Variants in PAK6 observed in about 807,000 individuals in gnomAD.
PAK6 encodes the protein p21 (RAC1) activated kinase 6.
A neutral mutation model predicts 60.8 loss-of-function variants in PAK6; 33 were observed. The ratio of observed to expected loss-of-function variants is 0.54; its 90% CI spans 0.41 to 0.73. The LOEUF (loss-of-function observed/expected upper bound fraction) is 0.73. Among genes scored for constraint, PAK6 ranks in the 30% least tolerant of loss-of-function variants. The pLI is 0.00. For missense variants in PAK6, 845 were observed against 904.1 expected (o/e 0.93, Z 0.84); for synonymous variants, 404 against 378.5 (o/e 1.07, Z -0.78).
At chr15:40,249,079 G>T (rs1315822243) in intron 2 of PAK6, among the ~76,000 whole-genome samples, 1 of 152,184 alleles carries the variant, frequency 6.6e-6, no homozygotes, top group Admixed American at 6.5e-5. Context: ...CCGGTGTCTG[G>T]TGAGGGCCTG....
chr15:40,245,042 C>A (rs1375197059), intron 2 of PAK6: 1 of 152,280 alleles, frequency 6.6e-6, no homozygotes, highest in African/African-American at 2.4e-5. Flanking sequence ...CCTCGGTCAG[C>A]CAATCCCAGT....
intron 2 of PAK6, chr15:40,251,380 C>T (rs569319331): frequency 2.6e-5 from 4 of 152,246 alleles, no homozygotes; most frequent in African/African-American, 9.6e-5. Context: ...CTGTCAGGTT[C>T]CCACGGGTTG....
At chr15:40,268,987 C>T (rs1950166817) in intron 5 of PAK6, among the ~76,000 whole-genome samples, 1 of 152,204 alleles carries the variant, frequency 6.6e-6, no homozygotes, top group Admixed American at 6.5e-5. Context: ...ACGTTGAAGG[C>T]ACTTGTCAAA....
intron 9 of PAK6, 138 bp downstream of exon 9, chr15:40,273,814 T>G (rs983795616): frequency 5.9e-5 from 61 of 1,034,892 alleles, no homozygotes; most frequent in Non-Finnish European, 7.3e-5. Flanking sequence ...CCTTCCCCCT[T>G]TCGATGGGGC....
chr15:40,270,596 ACACAGTGGATGGTGACAGTGTCACAGTGT>A (rs1241440975), intron 5 of PAK6, among the ~76,000 whole-genome samples: 1 of 152,188 alleles, frequency 6.6e-6, no homozygotes, highest in Admixed American at 6.5e-5. Context: ...CTGCTCCACT[ACACAGTGGATGGTGACAGTGTCACAGTGT>A]CACAGTGGAT....
chr15:40,244,373 G>C (rs563247381), intron 2 of PAK6, among the ~76,000 whole-genome samples: 11 of 146,570 alleles, frequency 7.5e-5, no homozygotes, highest in African/African-American at 2.8e-4. Flanking sequence ...TTCCATCTCA[G>C]AGACTTTTGT....
chr15:40,252,511 C>G (rs1412710955), intron 2 of PAK6: 1 of 1,363,410 alleles, frequency 7.3e-7, no homozygotes, highest in East Asian at 4.6e-5. Flanking sequence ...GCTCTGGGTT[C>G]GCCGCCGCGT....
At chr15:40,275,824 A>C (rs1595608203) in intron 10 of PAK6, 103 bp from the exon 11 acceptor site, 2 of 1,145,654 alleles carry the variant, frequency 1.7e-6, no homozygotes, top group East Asian at 4.8e-5. Flanking sequence ...GAAGTTAAAA[A>C]ACCAGCGAAT....
rs758320541 is a variant in PAK6 at position 40,265,963 on chromosome 15, G to A, written c.326G>A (p.Arg109Gln). 4.0e-5 allele frequency: 64 copies of A among 1,604,654 alleles called. No homozygotes were observed. The Admixed American group carries it at 6.9e-4, about 17-fold the overall frequency. Residue 109 changes from arginine (R) to glutamine (Q), a missense_variant, in exon 5 of 11, where the codon CGG (arginine) becomes CAG (glutamine). Coordinates refer to ENST00000560346, the Ensembl canonical transcript of PAK6. The stretch of plus-strand genomic sequence containing the variant: ...CGTGGCCGCAGCCCCACCAGCCGGC[G>A]GCGGGCACAGTCCCTGGGGCTGCTG...
At chr15:40,272,158 G>C (rs1595601717) in intron 5 of PAK6, 66 bp from the exon 6 acceptor site, 1 of 1,539,134 alleles carries the variant, frequency 6.5e-7, no homozygotes, top group Non-Finnish European at 8.8e-7. Flanking sequence ...GCCAGCCCCT[G>C]CCTCCGGGAA....
intron 3 of PAK6, among the ~76,000 whole-genome samples, chr15:40,255,691 G>A (rs1012047796): frequency 1.3e-5 from 2 of 152,224 alleles, no homozygotes; most frequent in Non-Finnish European, 2.9e-5. Flanking sequence ...GGCAGACTCG[G>A]ACCCCAGTAG....
intron 2 of PAK6, chr15:40,252,690 A>C (rs1197105305): frequency 7.6e-7 from 1 of 1,308,604 alleles, no homozygotes; most frequent in Non-Finnish European, 1.0e-6. Flanking sequence ...CCCGCTCCGC[A>C]GGTGGGTTCC....
At chr15:40,252,266 G>A in intron 2 of PAK6, 1 of 1,205,746 alleles carries the variant, frequency 8.3e-7, no homozygotes, top group South Asian at 1.5e-5. Context: ...TGAACGAGGT[G>A]ATTACACACA....
intron 2 of PAK6, chr15:40,246,141 C>G (rs568687306): frequency 1.3e-5 from 2 of 152,184 alleles, no homozygotes; most frequent in African/African-American, 4.8e-5. Flanking sequence ...GATTGAAGTT[C>G]TTTTTGTCCC....
At chr15:40,265,314 A>T (rs2140979386) in intron 4 of PAK6, among the ~76,000 whole-genome samples, 1 of 152,370 alleles carries the variant, frequency 6.6e-6, no homozygotes, top group East Asian at 1.9e-4. Flanking sequence ...CTGCAGCCCC[A>T]TAGGGACTGA....
At chr15:40,251,241 G>A (rs552657856) in intron 2 of PAK6, 1 of 152,330 alleles carries the variant, frequency 6.6e-6, no homozygotes, top group East Asian at 1.9e-4. Context: ...ATGGTTAGCT[G>A]GCTGGCTCCC....
At chr15:40,257,506 G>A (rs1362054158) in intron 3 of PAK6, among the ~76,000 whole-genome samples, 1 of 152,248 alleles carries the variant, frequency 6.6e-6, no homozygotes, top group Non-Finnish European at 1.5e-5. Flanking sequence ...AAAGCGGGGT[G>A]ACGGGTTAGG....
At chr15:40,271,185 G>A (rs996912060) in intron 5 of PAK6, among the ~76,000 whole-genome samples, 1 of 152,228 alleles carries the variant, frequency 6.6e-6, no homozygotes, top group African/African-American at 2.4e-5. Flanking sequence ...CCTGGGAGGG[G>A]TCATGGTGCA....
At chr15:40,242,476 G>T (rs931805155) in intron 2 of PAK6, among the ~76,000 whole-genome samples, 3 of 152,230 alleles carry the variant, frequency 2.0e-5, no homozygotes, top group Non-Finnish European at 4.4e-5. Flanking sequence ...AAGGACACCA[G>T]TAAAGCTCAT....
Sources: allele counts gnomAD v4.1 joint callset (sites outside exome capture counted in the v4.1 genomes callset), GRCh38; gene constraint gnomAD v4.1.1; transcripts MANE v1.5; gene names NCBI Gene and HGNC (gene_info 2026-07-23, HGNC 2026-07-21).